TAFA1: variants seen among roughly 807,000 people sequenced by gnomAD.
TAFA1 encodes the protein TAFA chemokine like family member 1.
TAFA1 carries 4 observed loss-of-function variants against 18.5 expected under a neutral mutation model. That is an observed-to-expected ratio of 0.22 (90% CI 0.11 to 0.49). TAFA1 has a LOEUF of 0.49. TAFA1 is among the 20% of genes least tolerant of loss of function. The probability of loss-of-function intolerance (pLI) is 0.98; values close to 1 mark genes in which losing one functional copy is unlikely to be tolerated. For synonymous variants in TAFA1, 56 were observed against 55.2 expected, an observed-to-expected ratio of 1.01 and a Z score of -0.06; for missense variants, 147 against 169.0, an observed-to-expected ratio of 0.87 and a Z score of 0.72.
intron 2 of TAFA1, among the ~76,000 whole-genome samples, chr3:68,225,049 C>T (rs972707567): frequency 7.2e-5 from 11 of 151,810 alleles, no homozygotes; most frequent in African/African-American, 1.7e-4. Flanking sequence ...GCTGGGACTA[C>T]AGGTGCACAC....
At chr3:68,372,919 T>C (rs2069739580) in intron 2 of TAFA1, among the ~76,000 whole-genome samples, 1 of 152,148 alleles carries the variant, frequency 6.6e-6, no homozygotes, top group African/African-American at 2.4e-5. Context: ...AAATATTGCA[T>C]TTAAAACGAT....
intron 3 of TAFA1, among the ~76,000 whole-genome samples, chr3:68,478,419 A>G (rs537803691): frequency 3.3e-5 from 5 of 152,150 alleles, no homozygotes; most frequent in South Asian, 2.1e-4. Context: ...AAATAAGAAG[A>G]AAAAAAACAA....
chr3:68,010,028 T>C (rs897916966), intron 2 of TAFA1, among the ~76,000 whole-genome samples: 2 of 152,214 alleles, frequency 1.3e-5, no homozygotes, highest in African/African-American at 4.8e-5. Context: ...CCGCAGACCC[T>C]GAGCTCTGCC....
intron 3 of TAFA1, among the ~76,000 whole-genome samples, chr3:68,461,145 T>A (rs1245854711): frequency 6.6e-6 from 1 of 151,586 alleles, no homozygotes; most frequent in Non-Finnish European, 1.5e-5. Flanking sequence ...AGCTGGGCGT[T>A]GTGATGCATG....
At chr3:68,037,634 C>T (rs1343672284) in intron 2 of TAFA1, among the ~76,000 whole-genome samples, 2 of 152,078 alleles carry the variant, frequency 1.3e-5, no homozygotes, top group African/African-American at 4.8e-5. Flanking sequence ...AAAAAATCAG[C>T]CTATAAATAT....
intron 3 of TAFA1, among the ~76,000 whole-genome samples, chr3:68,454,323 G>T (rs1036497005): frequency 6.6e-6 from 1 of 151,928 alleles, no homozygotes. Context: ...AGCATTTTGA[G>T]CCCCATTGTC....
At chr3:68,089,990 T>A (rs1277587090) in intron 2 of TAFA1, among the ~76,000 whole-genome samples, 1 of 152,146 alleles carries the variant, frequency 6.6e-6, no homozygotes, top group Admixed American at 6.5e-5. Context: ...AAGTGAATAT[T>A]TCACTATAAT....
intron 3 of TAFA1, among the ~76,000 whole-genome samples, chr3:68,479,464 T>C (rs1479490832): frequency 6.6e-6 from 1 of 151,978 alleles, no homozygotes; most frequent in East Asian, 1.9e-4. Context: ...TGTCAGCATG[T>C]CTCTCTTATT....
intron 2 of TAFA1, among the ~76,000 whole-genome samples, chr3:68,377,597 T>A (rs1268212785): frequency 2.6e-5 from 4 of 152,162 alleles, no homozygotes; most frequent in Non-Finnish European, 4.4e-5. Flanking sequence ...AAATTGAAGC[T>A]AGCTGCAGAA....
At chr3:68,029,939 T>C (rs374794674) in intron 2 of TAFA1, among the ~76,000 whole-genome samples, 2 of 152,100 alleles carry the variant, frequency 1.3e-5, no homozygotes, top group East Asian at 1.9e-4. Flanking sequence ...GGCAAATATA[T>C]CTGAAAATGC....
chr3:68,519,662 G>GC (rs762096332), intron 3 of TAFA1, among the ~76,000 whole-genome samples: 60 of 152,300 alleles, frequency 3.9e-4, no homozygotes, highest in Admixed American at 7.8e-4. Context: ...TGCCAGCATG[G>GC]CCAGGTTCTG....
rs960692546 is a variant in TAFA1 at position 68,478,783 on chromosome 3, G to A, written c.260-59973G>A. Among the ~76,000 whole-genome samples, 3 of 151,550 alleles carry A rather than the reference G, an allele frequency of 2.0e-5. No individual in the cohort carries two copies. In the South Asian group the frequency reaches 6.3e-4, roughly 32 times the overall value. On this transcript the variant is annotated intron_variant, in intron 3 of 4. Coordinates refer to ENST00000478136, the MANE Select transcript of TAFA1 (RefSeq NM_213609.4). ...AATGAATAAATGATTATTTGAAAAA[G>A]GTATGTGTTGTATATGGAAATACCC...
chr3:68,151,991 G>A (rs2106923012), intron 2 of TAFA1, among the ~76,000 whole-genome samples: 1 of 152,232 alleles, frequency 6.6e-6, no homozygotes, highest in East Asian at 1.9e-4. Context: ...TACATGATAG[G>A]CACTGTGGTA....
intron 2 of TAFA1, among the ~76,000 whole-genome samples, chr3:68,147,039 GTA>G (rs71112618): frequency 3.5e-3 from 521 of 147,748 alleles, no homozygotes; most frequent in Admixed American, 5.3e-3. Context: ...GTGTGTGTGT[GTA>G]TATATATATA....
At chr3:68,541,969 A>C (rs2073384355) in intron 4 of TAFA1, among the ~76,000 whole-genome samples, 1 of 152,152 alleles carries the variant, frequency 6.6e-6, no homozygotes, top group African/African-American at 2.4e-5. Context: ...GGTTCATCTA[A>C]ACTACCAGAC....
At chr3:68,428,569 G>A (rs1217801011) in intron 3 of TAFA1, among the ~76,000 whole-genome samples, 1 of 151,806 alleles carries the variant, frequency 6.6e-6, no homozygotes, top group Non-Finnish European at 1.5e-5. Context: ...AGAACAGATG[G>A]GTTTGAGATC....
intron 3 of TAFA1, among the ~76,000 whole-genome samples, chr3:68,454,696 G>A (rs2071625733): frequency 6.6e-6 from 1 of 152,032 alleles, no homozygotes; most frequent in South Asian, 2.1e-4. Context: ...CCCTCCTTGA[G>A]CCTCCACACC....
chr3:68,025,155 A>G (rs1408465762), intron 2 of TAFA1, among the ~76,000 whole-genome samples: 1 of 152,176 alleles, frequency 6.6e-6, no homozygotes, highest in African/African-American at 2.4e-5. Context: ...CCTTACTCAC[A>G]TCGAAAACCT....
chr3:68,276,054 T>C, intron 2 of TAFA1, among the ~76,000 whole-genome samples: 1 of 151,940 alleles, frequency 6.6e-6, no homozygotes, highest in East Asian at 1.9e-4. Flanking sequence ...TCTCTACAAT[T>C]ACAATACCCT....
Sources: gnomAD v4.1 joint callset for allele counts (sites outside exome capture counted in the v4.1 genomes callset) on GRCh38, gnomAD v4.1.1 for gene constraint, MANE v1.5 for transcripts, NCBI Gene and HGNC (gene_info 2026-07-23, HGNC 2026-07-21) for gene names.